Variants in PIK3C2A observed in about 807,000 individuals in gnomAD.
PIK3C2A encodes the protein phosphatidylinositol 4-phosphate 3-kinase C2 domain-containing subunit alpha.
A neutral mutation model predicts 204.5 loss-of-function variants in PIK3C2A; 97 were observed. That is an observed-to-expected ratio of 0.47 (90% CI 0.40 to 0.56). The LOEUF is 0.56. Among genes scored for constraint, PIK3C2A ranks in the 20% least tolerant of loss-of-function variants. The pLI is 0.00. For missense variants in PIK3C2A, 1,735 were observed against 1,969.2 expected (o/e 0.88, Z 2.25); for synonymous variants, 653 against 664.4 (o/e 0.98, Z 0.26).
At position 17,174,603 on chromosome 11, in the gene PIK3C2A, A is replaced by AC. The variant is rs1393365682; in HGVS notation, c.-65-4798_-65-4797insG. 2.1e-3 allele frequency among the ~76,000 whole-genome samples: 289 copies of AC among 136,602 alleles called. 97 individuals are homozygous for AC. The highest frequency in any genetic ancestry group is 3.5e-3 in the Non-Finnish European group (224 of 64,182). 89.6% of individuals were successfully genotyped at this position (136,602 alleles called of 152,430 possible). On this transcript the variant is annotated intron_variant, in intron 1 of 32. Coordinates refer to ENST00000691414, the MANE Select transcript of PIK3C2A (RefSeq NM_002645.4). ...AGCGAGACTCCGTCTCAAAAAAAAA[A>AC]AAAAAACAAAACAGCAGCCACGCAG...
At chr11:17,123,428 T>G (rs563391785) in intron 13 of PIK3C2A, among the ~76,000 whole-genome samples, 24 of 151,036 alleles carry the variant, frequency 1.6e-4, no homozygotes, top group South Asian at 4.2e-4. Flanking sequence ...CTTGTTTTTT[T>G]TTTTTTTTTT....
intron 1 of PIK3C2A, among the ~76,000 whole-genome samples, chr11:17,186,392 GATTT>G (rs1212129208): frequency 1.3e-5 from 2 of 151,928 alleles, no homozygotes; most frequent in African/African-American, 4.8e-5. Context: ...ATGAAGCTGG[GATTT>G]ATTTGTCTGG....
chr11:17,195,244 C>G lies in PIK3C2A; in HGVS notation c.-66+12604G>C, dbSNP rs996952834. 5.3e-5 allele frequency among the ~76,000 whole-genome samples: 8 copies of G among 150,716 alleles called. No individual in the cohort carries two copies. The South Asian group carries it at 1.7e-3, about 32-fold the overall frequency. On this transcript the variant is annotated intron_variant, in intron 1 of 32. Coordinates refer to ENST00000691414, the MANE Select transcript of PIK3C2A (RefSeq NM_002645.4). ...CCCGGCCAACTTGGTGAAACCCTGT[C>G]TCTACTAAAAATACAAAAATTAGCT...
chr11:17,119,177 T>C (rs772367316), intron 17 of PIK3C2A, 43 bp downstream of exon 17: 2 of 1,116,312 alleles, frequency 1.8e-6, no homozygotes, highest in Middle Eastern at 2.0e-4. Context: ...CATAAAAAAC[T>C]AGAGTGAAAG....
intron 13 of PIK3C2A, among the ~76,000 whole-genome samples, chr11:17,126,283 T>TAGG (rs1363306755): frequency 6.6e-6 from 1 of 152,032 alleles, no homozygotes; most frequent in Non-Finnish European, 1.5e-5. Context: ...ACATGGTAGC[T>TAGG]CACGCCTATA....
At chr11:17,105,353 A>G in intron 22 of PIK3C2A, 48 bp from the exon 23 acceptor site, 1 of 1,480,528 alleles carries the variant, frequency 6.8e-7, no homozygotes, top group Non-Finnish European at 9.2e-7. Context: ...CTCCAAAGTA[A>G]GCCTTTAAAC....
chr11:17,113,755 C>G (rs1849075725), intron 20 of PIK3C2A, among the ~76,000 whole-genome samples: 1 of 138,426 alleles, frequency 7.2e-6, no homozygotes, highest in Non-Finnish European at 1.5e-5. Flanking sequence ...GCATTCCAGC[C>G]TGAGTGACAG....
chr11:17,114,479 T>G lies in PIK3C2A; in HGVS notation c.3217-14A>C. 1 of 1,104,902 alleles carries G rather than the reference T, an allele frequency of 9.1e-7. No homozygotes were observed. Among genetic ancestry groups the G allele is most frequent in the Non-Finnish European group, 1.4e-6 (1 of 718,274 alleles). The allele number at this position is 1,104,902 out of a possible 1,614,324, so 68.4% of individuals were successfully genotyped here. On this transcript the variant is annotated splice_polypyrimidine_tract_variant and intron_variant, in intron 19 of 32. Transcript: ENST00000691414. ...TTGGAGAACAACCTATAGAAAGAGA[T>G]GTGATACTGTAAGTACATAATGAAA...
chr11:17,117,076 A>G (rs1040255460), intron 19 of PIK3C2A, among the ~76,000 whole-genome samples: 3 of 152,214 alleles, frequency 2.0e-5, no homozygotes, highest in Non-Finnish European at 4.4e-5. Flanking sequence ...ACTAGACAGA[A>G]AAGTCCATGA....
rs1852077659 is a variant in PIK3C2A, at chr11:17,194,659, C to T, written c.-66+13189G>A. Among the ~76,000 whole-genome samples, 6 of 152,134 alleles carry T rather than the reference C, an allele frequency of 3.9e-5. 1 individual carries two copies. The highest frequency in any genetic ancestry group is 3.9e-4 in the Admixed American group (6 of 15,282). ...GCGCAGTGGCTCATGCCTGTAATCC[C>T]AGCACTTTGAGAGGCCAAAGCAGGT... On this transcript the variant is annotated intron_variant, in intron 1 of 32. Coordinates refer to ENST00000691414, the MANE Select transcript of PIK3C2A (RefSeq NM_002645.4).
At chr11:17,135,061 C>T (rs1161126758) in intron 10 of PIK3C2A, 32 bp from the exon 11 acceptor site, 1 of 1,611,896 alleles carries the variant, frequency 6.2e-7, no homozygotes, top group African/African-American at 1.3e-5. Flanking sequence ...TTAATAGATT[C>T]TCTGAAAAGG....
rs374639398 is a variant in PIK3C2A at position 17,101,483 on chromosome 11, C to T, written c.3852-49G>A. The stretch of plus-strand genomic sequence containing the variant: ...AAAATATTATTTACAGAAGATACTC[C>T]AATAGTGCTATTACATGATTATTAA... On this transcript the variant is annotated intron_variant, in intron 24 of 32. Coordinates refer to ENST00000691414, the MANE Select transcript of PIK3C2A (RefSeq NM_002645.4). The T allele has an allele frequency of 7.5e-6, 8 of 1,060,500 alleles. No individual in the cohort carries two copies. The African/African-American group carries it at 1.1e-4, about 15-fold the overall frequency. The allele number at this position is 1,060,500 out of a possible 1,614,324, so 65.7% of individuals were successfully genotyped here.
chr11:17,121,954 T>C (rs1849379518), intron 15 of PIK3C2A, among the ~76,000 whole-genome samples: 2 of 151,516 alleles, frequency 1.3e-5, no homozygotes, highest in South Asian at 4.1e-4. Context: ...TATGCAGTTA[T>C]GTAGTCTTTT....
intron 2 of PIK3C2A, among the ~76,000 whole-genome samples, chr11:17,158,166 T>C (rs1850658386): frequency 6.8e-6 from 1 of 146,798 alleles, no homozygotes. Context: ...CCTGACCAAC[T>C]GGAGAAACCC....
At chr11:17,091,263 C>T (rs749075788) in intron 32 of PIK3C2A, 71 bp downstream of exon 32, 103 of 1,383,982 alleles carry the variant, frequency 7.4e-5, no homozygotes, top group Non-Finnish European at 1.0e-4. Flanking sequence ...TGCTTACGCA[C>T]GTCAGAACTT....
At chr11:17,155,820 G>A (rs1024862509) in intron 2 of PIK3C2A, among the ~76,000 whole-genome samples, 191 bp from the exon 3 acceptor site, 3 of 151,846 alleles carry the variant, frequency 2.0e-5, no homozygotes, top group African/African-American at 4.8e-5. Flanking sequence ...CCTTATTTTC[G>A]TTCCTTGGTT....
intron 22 of PIK3C2A, among the ~76,000 whole-genome samples, chr11:17,105,945 C>A (rs1848799775): frequency 6.6e-6 from 1 of 151,596 alleles, no homozygotes; most frequent in African/African-American, 2.4e-5. Context: ...CCCGTCTCTA[C>A]TAAAAATACA....
chr11:17,167,339 T>G (rs1172855088), intron 2 of PIK3C2A, among the ~76,000 whole-genome samples: 1 of 152,142 alleles, frequency 6.6e-6, no homozygotes, highest in East Asian at 1.9e-4. Context: ...AGTCAACAAT[T>G]TGGCCGGGCA....
chr11:17,153,830 T>A (rs376190175), intron 3 of PIK3C2A, among the ~76,000 whole-genome samples: 3 of 152,222 alleles, frequency 2.0e-5, no homozygotes, highest in Non-Finnish European at 2.9e-5. Context: ...AAAGCCTACA[T>A]ACTTGTTTTA....
Sources: allele counts gnomAD v4.1 joint callset (sites outside exome capture counted in the v4.1 genomes callset), GRCh38; gene constraint gnomAD v4.1.1; transcripts MANE v1.5; gene names NCBI Gene and HGNC (gene_info 2026-07-23, HGNC 2026-07-21).